TMPRSS11F: variants seen among roughly 807,000 people sequenced by gnomAD.
TMPRSS11F encodes transmembrane serine protease 11F.
TMPRSS11F carries 47 observed loss-of-function variants against 60.2 expected under a neutral mutation model. That is an observed-to-expected ratio of 0.78 (90% confidence interval 0.62 to 1.00). The LOEUF is 1.00. TMPRSS11F is among the 50% of genes least tolerant of loss of function. The pLI is 0.00. For synonymous variants in TMPRSS11F, 166 were observed against 167.3 expected, an observed-to-expected ratio of 0.99 and a Z score of 0.06; for missense variants, 519 against 522.9, an observed-to-expected ratio of 0.99 and a Z score of 0.07.
rs1410770560 is a variant in TMPRSS11F, at chr4:68,111,518, G to A, written c.12-12480C>T. ...TTTCTGGACTGTAGTGAGGTTTAGG[G>A]ACAATATAAATTAAGTGCTTAGCAC... On this transcript the variant is annotated intron_variant, in intron 1 of 9. Transcript: ENST00000356291. Among the ~76,000 whole-genome samples, 7 of 152,064 alleles carry A rather than the reference G, an allele frequency of 4.6e-5. No individual in the cohort carries two copies. In the East Asian group the frequency reaches 1.3e-3, roughly 29 times the overall value.
Position 68,059,258 on chromosome 4 carries a change from T to C in TMPRSS11F, c.1158+68A>G, listed in dbSNP as rs541598618. ...ATTTTTTTTTCTCCTAGGTAAAATA[T>C]ATGCCAAACTCAGAAATAGCTAATG... is the stretch of plus-strand genomic sequence containing the variant. On this transcript the variant is annotated intron_variant, in intron 9 of 9. Transcript: ENST00000356291. 2.2e-5 allele frequency: 34 copies of C among 1,555,024 alleles called. No homozygotes were observed. The East Asian group carries it at 3.6e-4, about 16-fold the overall frequency.
chr4:68,085,367 C>T (rs1723791272), intron 3 of TMPRSS11F, among the ~76,000 whole-genome samples: 1 of 151,866 alleles, frequency 6.6e-6, no homozygotes, highest in African/African-American at 2.4e-5. Context: ...TAAAAGTGTT[C>T]CTATTTCTCC....
chr4:68,129,280 T>C (rs770320931), intron 1 of TMPRSS11F, among the ~76,000 whole-genome samples: 2 of 152,148 alleles, frequency 1.3e-5, no homozygotes, highest in Non-Finnish European at 2.9e-5. Flanking sequence ...ATTTTGTTAA[T>C]TTGATAATTT....
At chr4:68,097,403 C>T (rs1480193876) in intron 2 of TMPRSS11F, among the ~76,000 whole-genome samples, 1 of 152,134 alleles carries the variant, frequency 6.6e-6, no homozygotes, top group Non-Finnish European at 1.5e-5. Context: ...ATTTTACATC[C>T]TCCCATTCTC....
chr4:68,119,019 C>A (rs569283184), intron 1 of TMPRSS11F, among the ~76,000 whole-genome samples: 25 of 152,138 alleles, frequency 1.6e-4, no homozygotes, highest in African/African-American at 5.3e-4. Flanking sequence ...AGAAAAAGTT[C>A]TTTGAGTAAA....
chr4:68,129,824 C>T lies in TMPRSS11F; in HGVS notation c.-4G>A. ...TGAATACTTACGCGTACATCATGAA[C>T]CCAGGACTGGGGCAGCTTCTATTCA... is the stretch of plus-strand genomic sequence containing the variant. On this transcript the variant is annotated 5_prime_UTR_variant, in exon 1 of 10. Transcript: ENST00000356291. The T allele has an allele frequency of 6.2e-7, 1 of 1,613,436 alleles. No homozygotes were observed. Among genetic ancestry groups the T allele is most frequent in the Non-Finnish European group, 8.5e-7 (1 of 1,179,516 alleles).
intron 3 of TMPRSS11F, among the ~76,000 whole-genome samples, chr4:68,085,069 A>C (rs1723785785): frequency 7.8e-6 from 1 of 128,182 alleles, no homozygotes; most frequent in Non-Finnish European, 1.6e-5. Flanking sequence ...TGAACTCATC[A>C]TTTTTTATGG....
intron 1 of TMPRSS11F, among the ~76,000 whole-genome samples, chr4:68,126,899 C>T (rs1209533646): frequency 6.6e-6 from 1 of 152,150 alleles, no homozygotes; most frequent in African/African-American, 2.4e-5. Context: ...TGGGGTCTCA[C>T]TAAATGTCAG....
chr4:68,115,851 T>A (rs1724509139), intron 1 of TMPRSS11F, among the ~76,000 whole-genome samples: 1 of 152,146 alleles, frequency 6.6e-6, no homozygotes. Context: ...AAAGCATTTA[T>A]GAAAAATCAA....
chr4:68,097,686 T>G (rs1470805702), intron 2 of TMPRSS11F, among the ~76,000 whole-genome samples: 1 of 152,142 alleles, frequency 6.6e-6, no homozygotes, highest in Non-Finnish European at 1.5e-5. Flanking sequence ...GCTTTTTTTG[T>G]CATTATTTTT....
At chr4:68,054,878 A>G (rs970293848) in intron 9 of TMPRSS11F, among the ~76,000 whole-genome samples, 1 of 152,218 alleles carries the variant, frequency 6.6e-6, no homozygotes, top group Non-Finnish European at 1.5e-5. Context: ...CAACAACAAT[A>G]TTAAATAAGC....
At chr4:68,071,647 G>T (rs575033758) in intron 5 of TMPRSS11F, among the ~76,000 whole-genome samples, 1 of 152,226 alleles carries the variant, frequency 6.6e-6, no homozygotes, top group Admixed American at 6.5e-5. Context: ...AAATCAGCTC[G>T]GGTTCCAACT....
chr4:68,124,007 G>A lies in TMPRSS11F; in HGVS notation c.11+5803C>T, dbSNP rs144320161. 4.2e-3 allele frequency among the ~76,000 whole-genome samples: 636 copies of A among 152,124 alleles called. 15 individuals carry two copies. In the East Asian group the frequency reaches 0.075, roughly 18 times the overall value. On this transcript the variant is annotated intron_variant, in intron 1 of 9. Coordinates refer to ENST00000356291, the MANE Select transcript of TMPRSS11F (RefSeq NM_207407.2). ...AGGCGGAGGCAGGTAGATCCCCTGAGGCCAGGAGTTTGAAACCAGCCTGGC... is the reference window on the plus strand; with the variant it reads ...AGGCGGAGGCAGGTAGATCCCCTGAAGCCAGGAGTTTGAAACCAGCCTGGC...
At chr4:68,122,333 C>A (rs1174296174) in intron 1 of TMPRSS11F, among the ~76,000 whole-genome samples, 2 of 152,086 alleles carry the variant, frequency 1.3e-5, no homozygotes, top group African/African-American at 4.8e-5. Context: ...ATTTACTTCT[C>A]TATTTGCATG....
intron 1 of TMPRSS11F, among the ~76,000 whole-genome samples, chr4:68,101,824 TTTTG>T (rs941008152): frequency 6.6e-6 from 1 of 152,144 alleles, no homozygotes; most frequent in African/African-American, 2.4e-5. Flanking sequence ...AGTAACCATT[TTTTG>T]TTTGTTTTTG....
chr4:68,079,164 C>T (rs1365085867), intron 3 of TMPRSS11F, among the ~76,000 whole-genome samples: 1 of 150,676 alleles, frequency 6.6e-6, no homozygotes, highest in African/African-American at 2.4e-5. Flanking sequence ...TTGTTTAAAA[C>T]TCACACTACC....
intron 1 of TMPRSS11F, among the ~76,000 whole-genome samples, chr4:68,100,035 C>T (rs1724157576): frequency 7.0e-6 from 1 of 143,552 alleles, no homozygotes; most frequent in African/African-American, 2.6e-5. Flanking sequence ...AATAAAAGCT[C>T]ACCAGGTCAA....
At chr4:68,116,646 A>T (rs373600183) in intron 1 of TMPRSS11F, among the ~76,000 whole-genome samples, 1 of 152,312 alleles carries the variant, frequency 6.6e-6, no homozygotes, top group East Asian at 1.9e-4. Context: ...AAAATCAGAC[A>T]TATAGACCAA....
chr4:68,083,502 C>T (rs1185054887), intron 3 of TMPRSS11F, among the ~76,000 whole-genome samples: 1 of 152,262 alleles, frequency 6.6e-6, no homozygotes, highest in South Asian at 2.1e-4. Flanking sequence ...ATAACACCAA[C>T]AAAATTCTTC....
Sources: gnomAD v4.1 joint callset for allele counts (sites outside exome capture counted in the v4.1 genomes callset) on GRCh38, gnomAD v4.1.1 for gene constraint, MANE v1.5 for transcripts, NCBI Gene and HGNC (gene_info 2026-07-23, HGNC 2026-07-21) for gene names.